The following KCTD15 variants were observed in gnomAD, a reference collection of about 807,000 sequenced individuals.
KCTD15 encodes BTB/POZ domain-containing protein KCTD15.
In KCTD15, 11 loss-of-function variants were observed where a neutral mutation model predicts 27.2. That is an observed-to-expected ratio of 0.41 (90% CI 0.25 to 0.67). The LOEUF is 0.67. KCTD15 is among the 30% of genes least tolerant of loss of function. The pLI is 0.35. For missense variants in KCTD15, 350 were observed against 409.3 expected, an observed-to-expected ratio of 0.86 and a Z score of 1.25; for synonymous variants, 163 against 176.0, an observed-to-expected ratio of 0.93 and a Z score of 0.58.
chr19:33,806,645 C>T (rs999964720), intron 4 of KCTD15, among the ~76,000 whole-genome samples: 2 of 152,028 alleles, frequency 1.3e-5, no homozygotes, highest in Non-Finnish European at 1.5e-5. Context: ...CTGTGACTTG[C>T]GGGTGTAGGC....
At chr19:33,799,338 A>G (rs1273225196) in intron 2 of KCTD15, among the ~76,000 whole-genome samples, 1 of 152,206 alleles carries the variant, frequency 6.6e-6, no homozygotes, top group African/African-American at 2.4e-5. Context: ...AAGCAATCCC[A>G]TGGGTCCCAA....
chr19:33,797,594 TC>T (rs1259331149), intron 1 of KCTD15, among the ~76,000 whole-genome samples: 2 of 151,936 alleles, frequency 1.3e-5, no homozygotes, highest in African/African-American at 4.8e-5. Context: ...CGCCTGCAGA[TC>T]CGGTTCCCCG....
chr19:33,807,714 C>T (rs1313036314), intron 5 of KCTD15, among the ~76,000 whole-genome samples: 8 of 151,548 alleles, frequency 5.3e-5, no homozygotes, highest in Middle Eastern at 3.4e-3. Context: ...AGCAAGACTC[C>T]GTCTCAAAAA....
chr19:33,808,868 G>T (rs1225729667), intron 5 of KCTD15, among the ~76,000 whole-genome samples: 1 of 152,124 alleles, frequency 6.6e-6, no homozygotes, highest in East Asian at 1.9e-4. Flanking sequence ...AGGCACAGTG[G>T]CTCACTTGGT....
At chr19:33,812,447 G>GA in intron 6 of KCTD15, 1 of 1,090,612 alleles carries the variant, frequency 9.2e-7, no homozygotes, top group Admixed American at 5.1e-5. Flanking sequence ...CATGTGTCTG[G>GA]AGAGAGGGCA....
At position 33,811,227 on chromosome 19, in the gene KCTD15, C is replaced by A. The variant is rs998538974; in HGVS notation, c.388-20C>A. 1.6e-6 allele frequency: 2 copies of A among 1,229,676 alleles called. No homozygotes were observed. Among genetic ancestry groups the A allele is most frequent in the Non-Finnish European group, 2.1e-6 (2 of 947,058 alleles). The allele number at this position is 1,229,676 out of a possible 1,614,324, so 76.2% of individuals were successfully genotyped here. A position where few individuals can be genotyped will look rare whatever the true frequency, so the allele number is the denominator to read the frequency against. On this transcript the variant is annotated intron_variant, in intron 5 of 6. Transcript: ENST00000683859. ...CCCTACTCCGACACCCACATCAACA[C>A]CCTGTGCGCCTGTCCCCAGGACTTC...
intron 2 of KCTD15, among the ~76,000 whole-genome samples, chr19:33,799,335 C>T (rs530928805): frequency 2.0e-5 from 3 of 152,308 alleles, no homozygotes; most frequent in Non-Finnish European, 2.9e-5. Context: ...AAAAAGCAAT[C>T]CCATGGGTCC....
Position 33,796,945 on chromosome 19 carries a change from G to A in KCTD15, c.-169G>A, listed in dbSNP as rs1975335274. 1 of 150,260 alleles carries A rather than the reference G, an allele frequency of 6.7e-6. No homozygotes were observed. Among genetic ancestry groups the A allele is most frequent in the African/African-American group, 2.5e-5 (1 of 40,736 alleles). The allele number at this position is 150,260 out of a possible 1,614,324, so 9.3% of individuals were successfully genotyped here. ...CCCGGCGCCCGAGACCGGCAGCTGCGTGGGGCGGGGGCTGCGCCCGAGCCC... is the reference window on the plus strand; with the variant it reads ...CCCGGCGCCCGAGACCGGCAGCTGCATGGGGCGGGGGCTGCGCCCGAGCCC... On this transcript the variant is annotated 5_prime_UTR_variant, in exon 1 of 7. It adds an upstream start codon to the 5' untranslated region. Coordinates refer to ENST00000683859, the MANE Select transcript of KCTD15 (RefSeq NM_001129994.2).
upstream of KCTD15, among the ~76,000 whole-genome samples, chr19:33,795,202 G>GA (rs1203102418): frequency 6.6e-6 from 1 of 152,210 alleles, no homozygotes; most frequent in African/African-American, 2.4e-5. Flanking sequence ...ACTTTAATGA[G>GA]AAAATTTCCC....
At chr19:33,797,419 C>T (rs1352021606) in intron 1 of KCTD15, 7 of 454,636 alleles carry the variant, frequency 1.5e-5, no homozygotes, top group East Asian at 1.4e-4. Context: ...GCACAAGTCC[C>T]GGCTTGGCGC....
intron 5 of KCTD15, 81 bp from the exon 6 acceptor site, chr19:33,811,166 G>A (rs1328034584): frequency 8.6e-7 from 1 of 1,165,118 alleles, no homozygotes. Context: ...GGTTGGAACC[G>A]GCAGGCCGCC....
chr19:33,804,958 T>C (rs993899666), intron 4 of KCTD15, among the ~76,000 whole-genome samples: 5 of 152,214 alleles, frequency 3.3e-5, no homozygotes, highest in East Asian at 1.9e-4. Context: ...CGACAGCGTT[T>C]GTCTTTCTTG....
chr19:33,797,271 TGTGTGTGTGTGTGCGCGC>T (rs1467844303), intron 1 of KCTD15: 42 of 306,216 alleles, frequency 1.4e-4, no homozygotes, highest in Admixed American at 2.1e-4. Flanking sequence ...TGTGTGTGTG[TGTGTGTGTGTGTGCGCGC>T]GCGCGCGCGC....
chr19:33,812,234 A>C (rs760226563), intron 6 of KCTD15: 15 of 1,052,394 alleles, frequency 1.4e-5, no homozygotes, highest in African/African-American at 1.7e-5. Flanking sequence ...GCACAAACCC[A>C]CATAGTTGTG....
At position 33,813,096 on chromosome 19, in the gene KCTD15, G is replaced by C. The variant is rs924470846; in HGVS notation, c.*148G>C. 1 of 784,324 alleles carries C rather than the reference G, an allele frequency of 1.3e-6. No homozygotes were observed. The highest frequency in any genetic ancestry group is 2.1e-6 in the Non-Finnish European group (1 of 483,934). 48.6% of individuals were successfully genotyped at this position (784,324 alleles called of 1,614,324 possible). ...CCCAGCGAGCACCAGGGTCCCAGGT[G>C]TCATGGCAACAGAACGTGGGATGCT... On this transcript the variant is annotated 3_prime_UTR_variant, in exon 7 of 7. Coordinates refer to ENST00000683859, the MANE Select transcript of KCTD15 (RefSeq NM_001129994.2).
rs574862672 is a variant in KCTD15 at position 33,813,310 on chromosome 19, G to A, written c.*362G>A. On this transcript the variant is annotated 3_prime_UTR_variant, in exon 7 of 7. Transcript: ENST00000683859. ...AGAGGAGCTGTTTATCCCTCTCCAC[G>A]CGGGGCAGACTCTGGCGGGTCTCCT... The A allele has an allele frequency of 2.1e-4, 115 of 536,500 alleles. 1 individual carries two copies. The highest frequency in any genetic ancestry group is 1.4e-3 in the African/African-American group (75 of 53,182). 33.2% of individuals were successfully genotyped at this position (536,500 alleles called of 1,614,324 possible).
intron 6 of KCTD15, chr19:33,811,869 A>T (rs1975937617): frequency 1.3e-6 from 2 of 1,598,704 alleles, no homozygotes; most frequent in African/African-American, 2.7e-5. Context: ...TTTGGATTCG[A>T]ACTAAACCCA....
chr19:33,794,050 C>A (rs934462565), upstream of KCTD15, among the ~76,000 whole-genome samples: 2 of 152,082 alleles, frequency 1.3e-5, no homozygotes, highest in Non-Finnish European at 2.9e-5. Flanking sequence ...CTAAATTGTA[C>A]ATTTTTATTA....
intron 4 of KCTD15, 124 bp downstream of exon 4, chr19:33,801,466 A>G: frequency 1.2e-6 from 1 of 801,106 alleles, no homozygotes; most frequent in Non-Finnish European, 1.9e-6. Flanking sequence ...AGGGTGCACA[A>G]GCTGACACAG....
Sources: allele counts gnomAD v4.1 joint callset (sites outside exome capture counted in the v4.1 genomes callset), GRCh38; gene constraint gnomAD v4.1.1; transcripts MANE v1.5; gene names NCBI Gene and HGNC (gene_info 2026-07-23, HGNC 2026-07-21).